The following RBFOX1 variants were observed in gnomAD, a reference collection of about 807,000 sequenced individuals.
The protein encoded by RBFOX1 is RNA binding fox-1 homolog 1, also known as RNA binding protein fox-1 homolog 1.
Under a neutral mutation model 57.7 loss-of-function variants are expected in RBFOX1, and 8 were observed. That is an observed-to-expected ratio of 0.14 (90% CI 0.08 to 0.25). The LOEUF (loss-of-function observed/expected upper bound fraction) is 0.25, where lower values mean the gene tolerates loss of function less well. RBFOX1 is among the 10% of genes least tolerant of loss of function. The probability of loss-of-function intolerance (pLI) is 1.00; values close to 1 mark genes in which losing one functional copy is unlikely to be tolerated. For synonymous variants in RBFOX1, 326 were observed against 222.4 expected, an observed-to-expected ratio of 1.47 and a Z score of -4.15; for missense variants, 611 against 548.5, an observed-to-expected ratio of 1.11 and a Z score of -1.14.
At chr16:6,758,266 G>C (rs1234307441) in intron 3 of RBFOX1, among the ~76,000 whole-genome samples, 1 of 151,764 alleles carries the variant, frequency 6.6e-6, no homozygotes, top group Non-Finnish European at 1.5e-5. Context: ...TTGCTTTGTT[G>C]GTGTAAACTA....
Position 6,097,689 on chromosome 16 carries a change from C to T in RBFOX1, c.-127+77697C>T, listed in dbSNP as rs2096261823. ...TCTAAGCTAGGATTTGACCCTAGGGCTTGTGAATCTGGAGCCCATAGACTC... is the reference window on the plus strand; with the variant it reads ...TCTAAGCTAGGATTTGACCCTAGGGTTTGTGAATCTGGAGCCCATAGACTC... On this transcript the variant is annotated intron_variant, in intron 1 of 15. Transcript: ENST00000550418. This position sits in a 1 kb window ranked among gnomAD's most constrained non-coding sequence, Gnocchi z 5.0. 6.6e-6 allele frequency among the ~76,000 whole-genome samples: 1 copy of T among 151,776 alleles called. No individual in the cohort carries two copies. Among genetic ancestry groups the T allele is most frequent in the Admixed American group, 6.6e-5 (1 of 15,242 alleles).
intron 14 of RBFOX1, among the ~76,000 whole-genome samples, chr16:7,699,285 GGGA>G (rs1316734084): frequency 2.7e-4 from 5 of 18,320 alleles, no homozygotes; most frequent in Non-Finnish European, 7.2e-4. Context: ...TGGACCTCCT[GGGA>G]TCTAGCGATC....
rs1401580774 is a variant in RBFOX1 at position 6,102,536 on chromosome 16, A to G, written c.-127+82544A>G. ...TTTCAGGCAGGTTGATCTGGATGTT[A>G]GTTTCAGGATAATTCTCTCTCTCTC... On this transcript the variant is annotated intron_variant, in intron 1 of 15. Coordinates refer to ENST00000550418, the MANE Select transcript of RBFOX1 (RefSeq NM_018723.4). 2.7e-5 allele frequency among the ~76,000 whole-genome samples: 4 copies of G among 150,760 alleles called. No homozygotes were observed. The East Asian group carries it at 7.8e-4, about 29-fold the overall frequency.
At chr16:6,219,552 T>G (rs2097358245) in intron 1 of RBFOX1, among the ~76,000 whole-genome samples, 1 of 152,090 alleles carries the variant, frequency 6.6e-6, no homozygotes, top group Non-Finnish European at 1.5e-5. Flanking sequence ...CTCGGGCAAT[T>G]CACTTAACCT....
At chr16:5,734,979 A>G (rs1381055189) in intron 3 of RBFOX1, among the ~76,000 whole-genome samples, 1 of 152,214 alleles carries the variant, frequency 6.6e-6, no homozygotes, top group African/African-American at 2.4e-5. Context: ...CAAACTGGCC[A>G]CAAAAAAGAA....
intron 4 of RBFOX1, among the ~76,000 whole-genome samples, chr16:7,421,822 A>G (rs1272521699): frequency 6.6e-6 from 1 of 152,252 alleles, no homozygotes; most frequent in East Asian, 1.9e-4. Context: ...GGGGCACTGA[A>G]TTATATTTTG....
chr16:7,264,479 C>T (rs1164606517), intron 4 of RBFOX1, among the ~76,000 whole-genome samples: 1 of 152,168 alleles, frequency 6.6e-6, no homozygotes, highest in Non-Finnish European at 1.5e-5. Context: ...GCTAGTTTTT[C>T]TGTAAGGGCC....
At chr16:5,768,050 A>T (rs1196908337) in intron 3 of RBFOX1, among the ~76,000 whole-genome samples, 1 of 152,212 alleles carries the variant, frequency 6.6e-6, no homozygotes, top group Non-Finnish European at 1.5e-5. Context: ...ATCCAAAAAT[A>T]ACCCATTTCT....
At chr16:7,187,836 C>A (rs1315651748) in intron 4 of RBFOX1, among the ~76,000 whole-genome samples, 1 of 150,588 alleles carries the variant, frequency 6.6e-6, no homozygotes, top group Non-Finnish European at 1.5e-5. Flanking sequence ...ACCTAAATTT[C>A]TGACATAGAA....
In RBFOX1 at chr16:5,723,685, G is replaced by A. The variant is rs545062794; in HGVS notation, c.318+124724G>A. 2.3e-4 allele frequency among the ~76,000 whole-genome samples: 35 copies of A among 152,212 alleles called. No homozygotes were observed. The South Asian group carries it at 7.3e-3, about 32-fold the overall frequency. On this transcript the variant is annotated intron_variant, in intron 3 of 19. Coordinates refer to the RBFOX1 transcript ENST00000641259. The stretch of plus-strand genomic sequence containing the variant: ...GAATAGTCAGCCCACAGGAATCTGT[G>A]GATTAAACAGTGGCAGTCTCAGGCT...
intron 2 of RBFOX1, among the ~76,000 whole-genome samples, chr16:6,323,483 T>C (rs1011915189): frequency 7.9e-5 from 12 of 152,158 alleles, no homozygotes; most frequent in Admixed American, 7.2e-4. Flanking sequence ...AGCAGGTACA[T>C]ATTTTGAATG....
chr16:5,926,227 A>C (rs2058937910), intron 4 of RBFOX1, among the ~76,000 whole-genome samples: 3 of 152,220 alleles, frequency 2.0e-5, no homozygotes, highest in African/African-American at 4.8e-5. Flanking sequence ...TACCCATATG[A>C]CACTTTGGCA....
chr16:5,659,580 G>T (rs1054528944), intron 3 of RBFOX1, among the ~76,000 whole-genome samples: 2 of 152,114 alleles, frequency 1.3e-5, no homozygotes, highest in African/African-American at 2.4e-5. Flanking sequence ...TGGGATTACA[G>T]GTATGAGCCA....
chr16:6,731,863 A>C (rs2068699946), intron 3 of RBFOX1, among the ~76,000 whole-genome samples: 1 of 152,104 alleles, frequency 6.6e-6, no homozygotes, highest in Non-Finnish European at 1.5e-5. Flanking sequence ...GTCTGCCTCT[A>C]GGGGAATCCA....
chr16:6,101,921 A>G (rs1455093099), intron 1 of RBFOX1, among the ~76,000 whole-genome samples: 1 of 151,928 alleles, frequency 6.6e-6, no homozygotes, highest in African/African-American at 2.4e-5. Flanking sequence ...CCAGTCCACG[A>G]ATAGTGCACT....
At chr16:7,625,700 A>T (rs1047427000) in intron 10 of RBFOX1, among the ~76,000 whole-genome samples, 2 of 152,192 alleles carry the variant, frequency 1.3e-5, no homozygotes, top group African/African-American at 4.8e-5. Context: ...GAAAAGTTCT[A>T]GTTATTCACC....
At chr16:7,223,698 C>A (rs1412634921) in intron 4 of RBFOX1, among the ~76,000 whole-genome samples, 4 of 142,466 alleles carry the variant, frequency 2.8e-5, no homozygotes, top group African/African-American at 1.0e-4. Context: ...CCACTATATG[C>A]CGTCAGTGTT....
intron 3 of RBFOX1, among the ~76,000 whole-genome samples, chr16:7,048,600 G>C (rs925639172): frequency 2.0e-5 from 3 of 152,130 alleles, no homozygotes; most frequent in African/African-American, 7.2e-5. Context: ...TGCTAATGCT[G>C]TCAATTTTTT....
At position 5,793,421 on chromosome 16, in the gene RBFOX1, A is replaced by G. The variant is rs557673143; in HGVS notation, c.319-73882A>G. ...TGGTGAAGATTTACCCTGATTTTCAATTCAGCCCGTTGGCATGGGTGCTGG... is the reference window on the plus strand; with the variant it reads ...TGGTGAAGATTTACCCTGATTTTCAGTTCAGCCCGTTGGCATGGGTGCTGG... On this transcript the variant is annotated intron_variant, in intron 3 of 19. Transcript: ENST00000641259. 5.3e-5 allele frequency among the ~76,000 whole-genome samples: 8 copies of G among 152,374 alleles called. No homozygotes were observed. In the East Asian group the frequency reaches 1.2e-3, roughly 22 times the overall value.
Sources: allele counts gnomAD v4.1 joint callset (sites outside exome capture counted in the v4.1 genomes callset), GRCh38; gene constraint gnomAD v4.1.1; non-coding constraint Gnocchi (gnomAD v3.1); transcripts MANE v1.5; gene names NCBI Gene and HGNC (gene_info 2026-07-23, HGNC 2026-07-21).